PKD1L1: variants seen among roughly 807,000 people sequenced by gnomAD.
PKD1L1 encodes polycystin-1-like protein 1.
PKD1L1 carries 236 observed loss-of-function variants against 323.4 expected under a neutral mutation model. The observed-to-expected ratio is 0.73, with a 90% CI of 0.66 to 0.81. The LOEUF (loss-of-function observed/expected upper bound fraction) is 0.81. Ranked by LOEUF, PKD1L1 falls within the 40% of genes least tolerant of loss-of-function variation. PKD1L1 has a pLI of 0.00. For synonymous variants in PKD1L1, 1,344 were observed against 1,335.0 expected (o/e 1.01, Z -0.15); for missense variants, 3,320 against 3,508.0 (o/e 0.95, Z 1.35).
Position 47,870,348 on chromosome 7 carries a change from T to A in PKD1L1, c.3896+3551A>T, listed in dbSNP as rs191516969. Among the ~76,000 whole-genome samples, 115 of 151,778 alleles carry A rather than the reference T, an allele frequency of 7.6e-4. 1 individual carries two copies. The highest frequency in any genetic ancestry group is 1.1e-3 in the Non-Finnish European group (73 of 67,954). On this transcript the variant is annotated intron_variant, in intron 24 of 56. Transcript: ENST00000289672. ...TTGAAAACATCAACAAAATGACAAA[T>A]CTTTAGCTAGACTGACAGACAAAAA...
In PKD1L1 at chr7:47,803,223, A is replaced by G; in HGVS notation, c.7949T>C (p.Ile2650Thr). 2.5e-6 allele frequency: 4 copies of G among 1,614,172 alleles called. No individual in the cohort carries two copies. The highest frequency in any genetic ancestry group is 3.4e-6 in the Non-Finnish European group (4 of 1,180,028). The change falls in exon 53 of 57, where the codon ATC becomes ACC. Residue 2650 changes from isoleucine to threonine, a missense_variant. Transcript: ENST00000289672. Reference protein sequence around the residue: ...SSMMRHSLPSIFVAGLVGALM... With the variant: ...SSMMRHSLPSTFVAGLVGALM... ...GAGAGTTCTTACCCCTGCTACAAAG[A>G]TGCTGGGGAGTGAGTGGCGCATCAT... is the stretch of plus-strand genomic sequence containing the variant.
rs749789417 is a variant in PKD1L1, at chr7:47,908,199, T to C, written c.1280A>G (p.Glu427Gly). Residue 427 changes from glutamate (E) to glycine (G), a missense_variant, in exon 9 of 57, where the codon GAA (glutamate) becomes GGA (glycine). Coordinates refer to ENST00000289672, the MANE Select transcript of PKD1L1 (RefSeq NM_138295.5). ...CACATAATAAGGCCCAAGCTCCACT[T>C]CGGTTCCATGAAACTCGTTATAAAT... is the stretch of plus-strand genomic sequence containing the variant. Reference protein sequence around the residue: ...AVIYNEFHGTEVELGPYYVEI... With the variant: ...AVIYNEFHGTGVELGPYYVEI... 5.0e-6 allele frequency: 8 copies of C among 1,614,240 alleles called. No homozygotes were observed. The highest frequency in any genetic ancestry group is 6.8e-6 in the Non-Finnish European group (8 of 1,180,034).
chr7:47,813,115 A>T lies in PKD1L1; in HGVS notation c.7346+6T>A. 1 of 1,611,400 alleles carries T rather than the reference A, an allele frequency of 6.2e-7. No individual in the cohort carries two copies. Among genetic ancestry groups the T allele is most frequent in the Non-Finnish European group, 8.5e-7 (1 of 1,179,106 alleles). ...GATGAGCCCCGGCCCTTCGAATCTC[A>T]CTGACCTTGTTCTGCCCAGGCTGAG... On this transcript the variant is annotated splice_donor_region_variant and intron_variant, in intron 49 of 56. Transcript: ENST00000289672.
chr7:47,922,292 C>T (rs1787560571), intron 7 of PKD1L1, among the ~76,000 whole-genome samples: 1 of 152,214 alleles, frequency 6.6e-6, no homozygotes. Context: ...CCTGCCTTGG[C>T]CTCCCAAAGT....
In PKD1L1 at chr7:47,946,498, C is replaced by CA. The variant is rs987816431; in HGVS notation, c.44+1898dup. Among the ~76,000 whole-genome samples the CA allele has an allele frequency of 9.3e-6, 1 of 107,724 alleles. No individual in the cohort carries two copies. Among genetic ancestry groups the CA allele is most frequent in the Non-Finnish European group, 2.1e-5 (1 of 46,614 alleles). The allele number at this position is 107,724 out of a possible 152,430, so 70.7% of individuals were successfully genotyped here. ...CACACACCACACACCACGCACCACA[C>CA]AAACACACCATACACACAAACACCA... On this transcript the variant is annotated intron_variant, in intron 1 of 56. Coordinates refer to ENST00000289672, the MANE Select transcript of PKD1L1 (RefSeq NM_138295.5). The surrounding 1 kb of genome is among the most constrained non-coding windows in gnomAD (Gnocchi z 4.1).
At chr7:47,824,109 T>C (rs1785197818) in intron 45 of PKD1L1, among the ~76,000 whole-genome samples, 1 of 152,226 alleles carries the variant, frequency 6.6e-6, no homozygotes, top group Non-Finnish European at 1.5e-5. Flanking sequence ...ACATTTTCCA[T>C]CACCAACTTC....
At position 47,940,439 on chromosome 7, in the gene PKD1L1, C is replaced by A. The variant is rs147041450; in HGVS notation, c.161-122G>T. 4.5e-4 allele frequency: 434 copies of A among 962,054 alleles called. 3 individuals carry two copies. In the African/African-American group the frequency reaches 6.5e-3, roughly 14 times the overall value. 59.6% of individuals were successfully genotyped at this position (962,054 alleles called of 1,614,324 possible). On this transcript the variant is annotated intron_variant, in intron 2 of 56. Transcript: ENST00000289672. ...AAAGCCACCTGGGCCTAACAACGGG[C>A]TGATCATGAAGATGCGTGTCCTTGG...
At chr7:47,901,924 A>G (rs1158763927) in intron 13 of PKD1L1, among the ~76,000 whole-genome samples, 2 of 152,204 alleles carry the variant, frequency 1.3e-5, no homozygotes, top group African/African-American at 4.8e-5. Context: ...GGTGTTCAAC[A>G]GATAACCGAT....
intron 4 of PKD1L1, among the ~76,000 whole-genome samples, chr7:47,935,015 G>A (rs1265081362): frequency 6.6e-6 from 1 of 152,168 alleles, no homozygotes; most frequent in Non-Finnish European, 1.5e-5. Flanking sequence ...ACCCCACTCT[G>A]CTCTTGTTTC....
chr7:47,793,429 C>T (rs1305959086), intron 55 of PKD1L1, among the ~76,000 whole-genome samples: 1 of 152,144 alleles, frequency 6.6e-6, no homozygotes, highest in Non-Finnish European at 1.5e-5. Flanking sequence ...AATAAGATCT[C>T]ATGAGATCTG....
intron 15 of PKD1L1, 125 bp downstream of exon 15, chr7:47,893,752 TA>T (rs1161732040): frequency 1.0e-6 from 1 of 999,678 alleles, no homozygotes; most frequent in Non-Finnish European, 1.4e-6. Context: ...ATAAAGCAGT[TA>T]AACTTAACGA....
chr7:47,959,002 T>C, the PKD1L1 span, among the ~76,000 whole-genome samples: 30 of 152,248 alleles, frequency 2.0e-4, no homozygotes, highest in African/African-American at 7.0e-4. Flanking sequence ...TCGTATTTTT[T>C]TGGTGGAGAC....
At chr7:47,815,499 C>T in intron 46 of PKD1L1, 42 bp from the exon 47 acceptor site, 1 of 1,598,412 alleles carries the variant, frequency 6.3e-7, no homozygotes, top group Non-Finnish European at 8.5e-7. Flanking sequence ...TCTGCATCAA[C>T]AAGAACAATG....
At chr7:47,880,280 A>ATTTTTTTTTTTTTTTT (rs1380647150) in intron 21 of PKD1L1, among the ~76,000 whole-genome samples, 5 of 71,552 alleles carry the variant, frequency 7.0e-5, no homozygotes, top group African/African-American at 3.0e-4. Context: ...ATATATATAT[A>ATTTTTTTTTTTTTTTT]TATATTTTTT....
At chr7:47,892,761 A>G (rs1786848843) in intron 15 of PKD1L1, among the ~76,000 whole-genome samples, 1 of 152,142 alleles carries the variant, frequency 6.6e-6, no homozygotes, top group Non-Finnish European at 1.5e-5. Context: ...ACAGGGCTGC[A>G]GGGGAGGATG....
At chr7:47,895,646 T>G (rs1786919859) in intron 14 of PKD1L1, among the ~76,000 whole-genome samples, 1 of 152,194 alleles carries the variant, frequency 6.6e-6, no homozygotes, top group Non-Finnish European at 1.5e-5. Flanking sequence ...TACTTTTGGG[T>G]GGAGACAATA....
intron 49 of PKD1L1, among the ~76,000 whole-genome samples, chr7:47,812,701 T>C (rs1012740213): frequency 2.0e-5 from 3 of 152,092 alleles, no homozygotes; most frequent in Admixed American, 6.5e-5. Flanking sequence ...AGCTGCAACA[T>C]GGGGTCGTGC....
chr7:47,796,830 CAAAA>C (rs71006525), intron 54 of PKD1L1, among the ~76,000 whole-genome samples: 12 of 133,634 alleles, frequency 9.0e-5, no homozygotes, highest in South Asian at 2.4e-4. Flanking sequence ...TCCTAAATTA[CAAAA>C]AAAAAAAAAA....
chr7:47,846,923 A>T lies in PKD1L1; in HGVS notation c.5109T>A (p.Arg1703=). The change falls in exon 32 of 57, where the codon CGT becomes CGA. Residue 1703 remains arginine, a synonymous_variant. Transcript: ENST00000289672. The part of the protein sequence containing the change: ...FWDKREWKSE[R]FSPQPGTSPE... Reference sequence around the variant, plus strand: ...GAGAAGTCCCTGGTTGTGGAGAGAAACGTTCAGATTTCCACTCTCTCTTGT... The same window carrying T: ...GAGAAGTCCCTGGTTGTGGAGAGAATCGTTCAGATTTCCACTCTCTCTTGT... The T allele has an allele frequency of 6.2e-7, 1 of 1,613,528 alleles. No individual in the cohort carries two copies.
Sources: allele counts gnomAD v4.1 joint callset (sites outside exome capture counted in the v4.1 genomes callset), GRCh38; gene constraint gnomAD v4.1.1; non-coding constraint Gnocchi (gnomAD v3.1); transcripts MANE v1.5; gene names NCBI Gene and HGNC (gene_info 2026-07-23, HGNC 2026-07-21).